CLSTN2: variants seen among roughly 807,000 people sequenced by gnomAD.
CLSTN2 encodes the protein calsyntenin 2.
In CLSTN2, 48 loss-of-function variants were observed where a neutral mutation model predicts 101.2. That is an observed-to-expected ratio of 0.47 (90% CI 0.38 to 0.60). The LOEUF (loss-of-function observed/expected upper bound fraction) is 0.60. Ranked by LOEUF, CLSTN2 falls within the 20% of genes least tolerant of loss-of-function variation. The pLI is 0.00. For synonymous variants in CLSTN2, 481 were observed against 463.6 expected, an observed-to-expected ratio of 1.04 and a Z score of -0.48; for missense variants, 1,160 against 1,238.2, an observed-to-expected ratio of 0.94 and a Z score of 0.95.
chr3:140,123,622 G>A (rs756601289), intron 1 of CLSTN2, among the ~76,000 whole-genome samples: 5 of 152,086 alleles, frequency 3.3e-5, no homozygotes, highest in East Asian at 1.9e-4. Flanking sequence ...CATAAACTGC[G>A]TGGCTTAAAT....
chr3:140,271,468 T>A (rs2086741311), intron 2 of CLSTN2, among the ~76,000 whole-genome samples: 1 of 152,216 alleles, frequency 6.6e-6, no homozygotes, highest in African/African-American at 2.4e-5. Flanking sequence ...CCCACAGTTC[T>A]GGAGGCCAGG....
At chr3:140,561,093 A>G (rs1016032433) in intron 12 of CLSTN2, among the ~76,000 whole-genome samples, 1 of 151,980 alleles carries the variant, frequency 6.6e-6, no homozygotes, top group Non-Finnish European at 1.5e-5. Context: ...GAATTTTTTA[A>G]ATTTCTGTTT....
At chr3:140,263,694 C>A (rs9861445) in intron 2 of CLSTN2, among the ~76,000 whole-genome samples, 78,702 of 152,002 alleles carry the variant, frequency 0.52, 22,589 homozygotes, top group East Asian at 0.96. Flanking sequence ...TCTTTGTGTC[C>A]AGTGACTTAG....
At chr3:140,148,358 G>C (rs537001583) in intron 1 of CLSTN2, among the ~76,000 whole-genome samples, 1 of 152,290 alleles carries the variant, frequency 6.6e-6, no homozygotes, top group East Asian at 1.9e-4. Flanking sequence ...CATTGAGTGG[G>C]ATTTGTTAAA....
intron 1 of CLSTN2, among the ~76,000 whole-genome samples, chr3:140,002,234 G>A (rs1399491752): frequency 2.0e-5 from 3 of 152,054 alleles, no homozygotes; most frequent in East Asian, 3.9e-4. Context: ...TTGTTATTGC[G>A]TGTCTTTTGG....
At chr3:140,045,517 CTA>C (rs1196535659) in intron 1 of CLSTN2, among the ~76,000 whole-genome samples, 1 of 152,128 alleles carries the variant, frequency 6.6e-6, no homozygotes, top group Non-Finnish European at 1.5e-5. Flanking sequence ...TTTTGTGTCT[CTA>C]TCTCCTTCAG....
chr3:140,061,690 A>G (rs771093690), intron 1 of CLSTN2, among the ~76,000 whole-genome samples: 3 of 152,188 alleles, frequency 2.0e-5, no homozygotes, highest in Admixed American at 1.3e-4. Flanking sequence ...TTCCACCTAC[A>G]TTGTTGCAGT....
chr3:139,970,321 G>A (rs11719471), intron 1 of CLSTN2, among the ~76,000 whole-genome samples: 2 of 151,956 alleles, frequency 1.3e-5, no homozygotes, highest in African/African-American at 4.8e-5. Context: ...AAGCATCTGG[G>A]GGGGGATGCT....
intron 2 of CLSTN2, among the ~76,000 whole-genome samples, chr3:140,195,998 G>A (rs985069837): frequency 5.3e-5 from 8 of 152,216 alleles, no homozygotes; most frequent in Non-Finnish European, 1.2e-4. Context: ...AGTGGATGCT[G>A]ATGGAGAAGA....
intron 2 of CLSTN2, among the ~76,000 whole-genome samples, chr3:140,381,859 C>T (rs921945527): frequency 6.6e-5 from 10 of 152,180 alleles, no homozygotes; most frequent in Admixed American, 2.6e-4. Flanking sequence ...ATGAAGTCTG[C>T]CAAATATTGG....
At chr3:140,309,844 C>G (rs920342321) in intron 2 of CLSTN2, among the ~76,000 whole-genome samples, 9 of 152,098 alleles carry the variant, frequency 5.9e-5, no homozygotes, top group African/African-American at 1.7e-4. Flanking sequence ...CTCTCAGGCC[C>G]GGGCTCTACA....
intron 8 of CLSTN2, among the ~76,000 whole-genome samples, chr3:140,474,646 T>C (rs1338000654): frequency 1.3e-5 from 2 of 152,192 alleles, no homozygotes; most frequent in African/African-American, 2.4e-5. Context: ...ACAAAGTTGA[T>C]ATGAGAATTA....
Position 140,576,708 on chromosome 3 carries a change from A to G in CLSTN2, c.*10455A>G, listed in dbSNP as rs1461954668. On this transcript the variant is annotated 3_prime_UTR_variant, in exon 17 of 17. Transcript: ENST00000458420. ...AATCACTGCTACTGTCTGGGCCATT[A>G]CTGCCAGTCTGGCCGGTGTCTCCCA... 1.3e-5 allele frequency: 2 copies of G among 152,256 alleles called. No homozygotes were observed. Among genetic ancestry groups the G allele is most frequent in the Non-Finnish European group, 2.9e-5 (2 of 68,082 alleles). 9.4% of individuals were successfully genotyped at this position (152,256 alleles called of 1,614,324 possible). A position where few individuals can be genotyped will look rare whatever the true frequency, so the allele number is the denominator to read the frequency against.
At position 140,575,070 on chromosome 3, in the gene CLSTN2, G is replaced by A. The variant is rs537732043; in HGVS notation, c.*8817G>A. ...CTCCAGCTCCTCTACATGGCTGCAA[G>A]AGCATGGCTGATGTGTGGGATTCAG... On this transcript the variant is annotated 3_prime_UTR_variant, in exon 17 of 17. Coordinates refer to ENST00000458420, the MANE Select transcript of CLSTN2 (RefSeq NM_022131.3). 1 of 152,250 alleles carries A rather than the reference G, an allele frequency of 6.6e-6. No homozygotes were observed. Among genetic ancestry groups the A allele is most frequent in the African/African-American group, 2.4e-5 (1 of 41,456 alleles). 9.4% of individuals were successfully genotyped at this position (152,250 alleles called of 1,614,324 possible).
At chr3:140,053,843 T>A (rs1285859001) in intron 1 of CLSTN2, among the ~76,000 whole-genome samples, 2 of 152,172 alleles carry the variant, frequency 1.3e-5, no homozygotes, top group Non-Finnish European at 2.9e-5. Context: ...AGATGGGTGA[T>A]GTGAAGTGAT....
At chr3:140,060,430 C>A (rs946486819) in intron 1 of CLSTN2, among the ~76,000 whole-genome samples, 1 of 152,174 alleles carries the variant, frequency 6.6e-6, no homozygotes, top group African/African-American at 2.4e-5. Context: ...CCAAAATCCT[C>A]TTGGAAATGA....
At chr3:140,298,031 G>A (rs1474243435) in intron 2 of CLSTN2, among the ~76,000 whole-genome samples, 1 of 152,156 alleles carries the variant, frequency 6.6e-6, no homozygotes, top group East Asian at 1.9e-4. Context: ...GGTAAGTTAG[G>A]GATCATAATT....
chr3:140,449,900 A>C (rs996363993), intron 6 of CLSTN2: 3 of 152,258 alleles, frequency 2.0e-5, no homozygotes, highest in African/African-American at 7.2e-5. Flanking sequence ...AGCAGAGAAG[A>C]GCTTGGGGTG....
chr3:140,404,465 C>G, intron 3 of CLSTN2, 93 bp from the exon 4 acceptor site: 1 of 1,125,848 alleles, frequency 8.9e-7, no homozygotes, highest in South Asian at 1.3e-5. Flanking sequence ...TTTCACTTGG[C>G]CTTGGGACCT....
Sources: gnomAD v4.1 joint callset for allele counts (sites outside exome capture counted in the v4.1 genomes callset) on GRCh38, gnomAD v4.1.1 for gene constraint, MANE v1.5 for transcripts, NCBI Gene and HGNC (gene_info 2026-07-23, HGNC 2026-07-21) for gene names.